Variants in GRID1 observed in about 807,000 individuals in gnomAD.
GRID1 encodes the protein glutamate receptor ionotropic, delta-1.
GRID1 carries 28 observed loss-of-function variants against 98.0 expected under a neutral mutation model. The observed-to-expected ratio is 0.29, with a 90% CI of 0.21 to 0.39. GRID1 has a LOEUF of 0.39. Ranked by LOEUF, GRID1 falls within the 10% of genes least tolerant of loss-of-function variation. GRID1 has a pLI of 1.00. For missense variants in GRID1, 1,111 were observed against 1,340.5 expected, an observed-to-expected ratio of 0.83 and a Z score of 2.67; for synonymous variants, 553 against 538.5, an observed-to-expected ratio of 1.03 and a Z score of -0.37.
intron 8 of GRID1, among the ~76,000 whole-genome samples, chr10:85,766,730 T>TTGTGTGTGTGTGTGTG (rs35691322): frequency 2.0e-4 from 28 of 138,436 alleles, no homozygotes; most frequent in African/African-American, 6.3e-4. Context: ...AGGCAGATGA[T>TTGTGTGTGTGTGTGTG]TGTGTGTGTG....
intron 2 of GRID1, among the ~76,000 whole-genome samples, chr10:86,263,414 C>G (rs1847051011): frequency 6.6e-6 from 1 of 152,242 alleles, no homozygotes; most frequent in South Asian, 2.1e-4. Flanking sequence ...CGTCAGAATC[C>G]AGGCCCAACG....
intron 8 of GRID1, among the ~76,000 whole-genome samples, chr10:85,789,401 C>G (rs1015518196): frequency 6.6e-6 from 1 of 152,140 alleles, no homozygotes; most frequent in Non-Finnish European, 1.5e-5. Flanking sequence ...CTGGGCAGCA[C>G]TATCCAGGAG....
At chr10:85,713,474 A>G (rs900011213) in intron 12 of GRID1, among the ~76,000 whole-genome samples, 2 of 151,768 alleles carry the variant, frequency 1.3e-5, no homozygotes, top group African/African-American at 4.8e-5. Context: ...ATTGAAGGGA[A>G]CACTTTCAAA....
intron 2 of GRID1, among the ~76,000 whole-genome samples, chr10:86,274,230 C>T (rs901828156): frequency 4.5e-4 from 68 of 152,178 alleles, no homozygotes; most frequent in African/African-American, 1.6e-3. Context: ...TGTAGATATG[C>T]GGCATTATTT....
intron 4 of GRID1, among the ~76,000 whole-genome samples, chr10:86,006,043 G>A (rs1043686658): frequency 3.3e-5 from 5 of 152,170 alleles, no homozygotes. Context: ...TTCTGAGAAG[G>A]AAGAGTGAAG....
chr10:86,303,859 G>C (rs1847723280), intron 2 of GRID1, among the ~76,000 whole-genome samples: 2 of 152,250 alleles, frequency 1.3e-5, no homozygotes, highest in South Asian at 4.1e-4. Flanking sequence ...GGCTTTTCTG[G>C]GCACACCCTC....
At chr10:85,703,380 T>C (rs1277972890) in intron 12 of GRID1, among the ~76,000 whole-genome samples, 2 of 152,006 alleles carry the variant, frequency 1.3e-5, no homozygotes, top group South Asian at 2.1e-4. Flanking sequence ...TCAGTCTTAA[T>C]TGTAACTATA....
chr10:85,723,647 A>C (rs1301102538), intron 11 of GRID1, among the ~76,000 whole-genome samples: 1 of 152,208 alleles, frequency 6.6e-6, no homozygotes, highest in Non-Finnish European at 1.5e-5. Flanking sequence ...AGCCCTCATT[A>C]GATGGCTTTT....
chr10:86,052,448 G>T (rs1843514661), intron 4 of GRID1: 1 of 152,182 alleles, frequency 6.6e-6, no homozygotes, highest in Admixed American at 6.5e-5. Flanking sequence ...GACAGATGAT[G>T]TCTGTGGCCC....
chr10:85,895,916 G>T (rs1455660350), intron 5 of GRID1, among the ~76,000 whole-genome samples: 5 of 151,952 alleles, frequency 3.3e-5, no homozygotes, highest in Non-Finnish European at 7.4e-5. Flanking sequence ...AGGATTTAGT[G>T]AGAAACATCT....
intron 2 of GRID1, among the ~76,000 whole-genome samples, chr10:86,210,649 A>C (rs983283578): frequency 6.6e-6 from 1 of 152,192 alleles, no homozygotes; most frequent in Non-Finnish European, 1.5e-5. Flanking sequence ...AGCCACCTGC[A>C]GCGTTGTAAG....
intron 8 of GRID1, among the ~76,000 whole-genome samples, chr10:85,845,479 TC>T (rs944119072): frequency 6.6e-6 from 1 of 152,202 alleles, no homozygotes; most frequent in African/African-American, 2.4e-5. Flanking sequence ...CATTAACACT[TC>T]CCAAATTGAT....
intron 4 of GRID1, among the ~76,000 whole-genome samples, chr10:86,025,808 C>G (rs74148917): frequency 6.6e-6 from 1 of 152,322 alleles, no homozygotes; most frequent in African/African-American, 2.4e-5. Flanking sequence ...ATAATCAACC[C>G]AGTTTTGGGA....
At chr10:85,727,294 A>G (rs1223145117) in intron 10 of GRID1, among the ~76,000 whole-genome samples, 1 of 152,184 alleles carries the variant, frequency 6.6e-6, no homozygotes, top group Non-Finnish European at 1.5e-5. Flanking sequence ...TGGGGAAATG[A>G]CCCAGTGTCA....
intron 15 of GRID1, chr10:85,606,478 A>C (rs1842665753): frequency 6.6e-6 from 1 of 152,228 alleles, no homozygotes; most frequent in African/African-American, 2.4e-5. Flanking sequence ...TATTTAACTG[A>C]ATAAGAAAAT....
Position 85,724,662 on chromosome 10 carries a change from G to A in GRID1, c.1548C>T (p.Ala516=), listed in dbSNP as rs1334650093. The change falls in exon 11 of 16, where the codon GCC becomes GCT. Residue 516 remains alanine (A), a synonymous_variant. Transcript: ENST00000327946. ...GELISKRADL[A]ISAITITPER... ...CTGGGGTGATGGTGATGGCAGAGATGGCCAAGTCTGCTCTCTGAAAGGCAA... is the reference window on the plus strand; with the variant it reads ...CTGGGGTGATGGTGATGGCAGAGATAGCCAAGTCTGCTCTCTGAAAGGCAA... The A allele has an allele frequency of 6.2e-6, 10 of 1,609,264 alleles. No individual in the cohort carries two copies. The highest frequency in any genetic ancestry group is 7.6e-6 in the Non-Finnish European group (9 of 1,177,770).
chr10:85,660,673 C>T (rs540618017), intron 12 of GRID1, among the ~76,000 whole-genome samples: 1 of 151,998 alleles, frequency 6.6e-6, no homozygotes, highest in Non-Finnish European at 1.5e-5. Flanking sequence ...AAACATCAAA[C>T]CTCTTAAGCA....
At chr10:86,230,814 G>T (rs2492738) in intron 2 of GRID1, among the ~76,000 whole-genome samples, 117,523 of 152,068 alleles carry the variant, frequency 0.77, 45,551 homozygotes, top group East Asian at 0.9. Flanking sequence ...GTCTGTGAGC[G>T]CCTCCAAGCA....
At chr10:86,145,790 C>T (rs544784054) in intron 3 of GRID1, among the ~76,000 whole-genome samples, 5 of 152,086 alleles carry the variant, frequency 3.3e-5, no homozygotes, top group Non-Finnish European at 7.3e-5. Flanking sequence ...TATCAAACCC[C>T]AAGGCTTGGT....
Sources: allele counts gnomAD v4.1 joint callset (sites outside exome capture counted in the v4.1 genomes callset), GRCh38; gene constraint gnomAD v4.1.1; transcripts MANE v1.5; gene names NCBI Gene and HGNC (gene_info 2026-07-23, HGNC 2026-07-21).